Variants in RAB9A observed in about 807,000 individuals in gnomAD.
RAB9A encodes RAB9A, member RAS oncogene family.
In RAB9A, 1 loss-of-function variant was observed where a neutral mutation model predicts 10.3. That is an observed-to-expected ratio of 0.10 (90% CI 0.03 to 0.46). RAB9A has a LOEUF of 0.46. RAB9A is among the 20% of genes least tolerant of loss of function. RAB9A has a pLI of 0.96. For synonymous variants in RAB9A, 39 were observed against 55.2 expected (o/e 0.71, Z 1.30); for missense variants, 92 against 150.3 (o/e 0.61, Z 2.03).
chrX:13,699,077 A>G (rs1161977057), intron 1 of RAB9A, among the ~76,000 whole-genome samples: 1 of 111,773 alleles, frequency 8.9e-6, no homozygotes, highest in Non-Finnish European at 1.9e-5. Flanking sequence ...TTGAGAAGGC[A>G]GTTTACAAAT....
chrX:13,689,291 G>A lies in RAB9A; in HGVS notation c.-116+3G>A, dbSNP rs1042803154. On this transcript the variant is annotated splice_donor_region_variant and intron_variant, in intron 1 of 2. Transcript: ENST00000464506. ...GTCGTCTTTCGTGTGGCCGCGAGGT[G>A]AGCGGGACTCGGGACTCCTTCGGGA... 1 of 113,055 alleles carries A rather than the reference G, an allele frequency of 8.8e-6. No individual in the cohort carries two copies. Among genetic ancestry groups the A allele is most frequent in the Non-Finnish European group, 1.9e-5 (1 of 53,333 alleles). The allele number at this position is 113,055 out of a possible 1,213,427, so 9.3% of individuals were successfully genotyped here. A position where few individuals can be genotyped will look rare whatever the true frequency, so the allele number is the denominator to read the frequency against.
rs759723649 is a variant in RAB9A at position 13,705,834 on chromosome X, TG to T, written c.-27+1939del. On this transcript the variant is annotated intron_variant, in intron 2 of 2. Transcript: ENST00000464506. ...CAGTTCTGAAGGCACAGCGGTTCAT[TG>T]GGGGGGTCACCAGCAAGGAGCAGCA... is the stretch of plus-strand genomic sequence containing the variant. Among the ~76,000 whole-genome samples, 5 of 110,952 alleles carry T rather than the reference TG, an allele frequency of 4.5e-5. No individual in the cohort carries two copies. The East Asian group carries it at 8.4e-4, about 19-fold the overall frequency.
rs142235449 is a variant in RAB9A, at chrX:13,696,647, A to C, written c.-115-7167A>C. 7.5e-4 allele frequency among the ~76,000 whole-genome samples: 84 copies of C among 112,093 alleles called. No individual in the cohort carries two copies. In the East Asian group the frequency reaches 0.018, roughly 24 times the overall value. ...GTATGTGCCGTAGGGCATTCAGATG[A>C]GGACTGAGAAAAAGCCATTGGATTG... On this transcript the variant is annotated intron_variant, in intron 1 of 2. Transcript: ENST00000464506.
intron 1 of RAB9A, among the ~76,000 whole-genome samples, chrX:13,689,528 C>G (rs1293517283): frequency 1.8e-5 from 2 of 111,812 alleles, no homozygotes; most frequent in East Asian, 5.7e-4. Flanking sequence ...CACACAAACA[C>G]TGGAGAAAGG....
chrX:13,708,806 G>A lies in RAB9A; in HGVS notation c.60G>A (p.Lys20=). ...VILLGDGGVG[K]SSLMNRYVTN... is the part of the protein sequence containing the mutation. ...TCCTTGGAGATGGTGGAGTTGGGAA[G>A]AGTTCACTTATGAACAGATATGTAA... The change falls in exon 3 of 3, where the codon AAG becomes AAA. Residue 20 remains lysine, a synonymous_variant. Coordinates refer to ENST00000464506, the MANE Select transcript of RAB9A (RefSeq NM_004251.5). 1 of 1,202,573 alleles carries A rather than the reference G, an allele frequency of 8.3e-7. No individual in the cohort carries two copies. Among genetic ancestry groups the A allele is most frequent in the African/African-American group, 1.7e-5 (1 of 57,603 alleles).
At chrX:13,690,651 C>G (rs777598758) in intron 1 of RAB9A, among the ~76,000 whole-genome samples, 36 of 111,945 alleles carry the variant, frequency 3.2e-4, no homozygotes, top group Non-Finnish European at 6.4e-4. Flanking sequence ...CTACAGTACT[C>G]TGGAGGCCTA....
Position 13,709,481 on chromosome X carries a change from C to A in RAB9A, c.*129C>A. On this transcript the variant is annotated 3_prime_UTR_variant, in exon 3 of 3. Transcript: ENST00000464506. The stretch of plus-strand genomic sequence containing the variant: ...TAAAATTAAACTAATGTTGCTGCTT[C>A]ATTAGTTGGTGGGAGAAGGGACACA... The A allele has an allele frequency of 1.3e-6, 1 of 770,971 alleles. No homozygotes were observed. The highest frequency in any genetic ancestry group is 1.8e-6 in the Non-Finnish European group (1 of 543,136). The allele number at this position is 770,971 out of a possible 1,213,427, so 63.5% of individuals were successfully genotyped here. A position where few individuals can be genotyped will look rare whatever the true frequency, so the allele number is the denominator to read the frequency against.
rs759623705 is a variant in RAB9A, at chrX:13,704,531, AGATAAT to A, written c.-27+633_-27+638del. Among the ~76,000 whole-genome samples, 517 of 111,550 alleles carry A rather than the reference AGATAAT, an allele frequency of 4.6e-3. 3 individuals carry two copies. Among genetic ancestry groups the A allele is most frequent in the African/African-American group, 0.016 (498 of 30,765 alleles). ...GGTGAGCTTTCTAACTTTTTTATGTAGATAATGATGCTTGAATTGAACAATTAAATT... is the reference window on the plus strand; with the variant it reads ...GGTGAGCTTTCTAACTTTTTTATGTAGATGCTTGAATTGAACAATTAAATT... On this transcript the variant is annotated intron_variant, in intron 2 of 2. Transcript: ENST00000464506.
rs758992558 is a variant in RAB9A, at chrX:13,704,622, T to C, written c.-27+720T>C. 4.5e-3 allele frequency among the ~76,000 whole-genome samples: 485 copies of C among 108,084 alleles called. 3 individuals are homozygous for C. The highest frequency in any genetic ancestry group is 0.011 in the African/African-American group (332 of 29,789). 93.9% of individuals were successfully genotyped at this position (108,084 alleles called of 115,157 possible). A position where few individuals can be genotyped will look rare whatever the true frequency, so the allele number is the denominator to read the frequency against. ...CTTATATAGATTTCTTTCTTTCTTT[T>C]TTTTTTTTTTTAGATAGAGTCTAGC... On this transcript the variant is annotated intron_variant, in intron 2 of 2. Coordinates refer to ENST00000464506, the MANE Select transcript of RAB9A (RefSeq NM_004251.5).
chrX:13,698,951 T>C (rs1344237008), intron 1 of RAB9A, among the ~76,000 whole-genome samples: 1 of 90,399 alleles, frequency 1.1e-5, no homozygotes, highest in Non-Finnish European at 2.2e-5. Context: ...CCAAAGGAAC[T>C]TGTGAATTTG....
chrX:13,706,292 GAA>G (rs1388015886), intron 2 of RAB9A, among the ~76,000 whole-genome samples: 1 of 112,006 alleles, frequency 8.9e-6, no homozygotes, highest in East Asian at 2.8e-4. Flanking sequence ...ATTTGAAATT[GAA>G]AAAGTCTCTC....
chrX:13,708,139 T>C (rs1261936343), intron 2 of RAB9A, among the ~76,000 whole-genome samples: 1 of 110,700 alleles, frequency 9.0e-6, no homozygotes, highest in Non-Finnish European at 1.9e-5. Context: ...CTGGGCAACG[T>C]GGTTGAGACC....
rs1263938112 is a variant in RAB9A at position 13,708,774 on chromosome X, G to A, written c.28G>A (p.Val10Ile). The change falls in exon 3 of 3, where the codon GTA becomes ATA. Residue 10 changes from valine to isoleucine, a missense_variant. Coordinates refer to ENST00000464506, the MANE Select transcript of RAB9A (RefSeq NM_004251.5). The part of the protein sequence containing the change: MAGKSSLFK[V>I]ILLGDGGVGK... ...GGCAGGAAAATCATCACTTTTTAAA[G>A]TAATTCTCCTTGGAGATGGTGGAGT... is the stretch of plus-strand genomic sequence containing the variant. The A allele has an allele frequency of 8.4e-7, 1 of 1,194,566 alleles. No homozygotes were observed. The highest frequency in any genetic ancestry group is 1.1e-6 in the Non-Finnish European group (1 of 886,840).
chrX:13,708,325 A>AAAC, intron 2 of RAB9A, among the ~76,000 whole-genome samples: 1 of 108,895 alleles, frequency 9.2e-6, no homozygotes. Context: ...TGTCTCAAAA[A>AAAC]AAAAAACAAA....
intron 1 of RAB9A, among the ~76,000 whole-genome samples, chrX:13,689,573 C>T (rs192872433): frequency 1.8e-5 from 2 of 112,115 alleles, no homozygotes; most frequent in African/African-American, 6.5e-5. Flanking sequence ...TGCACATACA[C>T]ACGGAGAAAT....
chrX:13,690,099 A>G (rs756457474), intron 1 of RAB9A, among the ~76,000 whole-genome samples: 4 of 110,814 alleles, frequency 3.6e-5, no homozygotes, highest in Admixed American at 1.9e-4. Context: ...GATAAAAATC[A>G]ATGGGCAGAA....
chrX:13,703,351 T>G (rs1215509046), intron 1 of RAB9A, among the ~76,000 whole-genome samples: 5 of 112,421 alleles, frequency 4.4e-5, no homozygotes, highest in Non-Finnish European at 9.4e-5. Context: ...TAATAGGTAC[T>G]AAGAAACTTG....
intron 2 of RAB9A, among the ~76,000 whole-genome samples, chrX:13,706,427 T>C (rs1185113466): frequency 9.0e-6 from 1 of 111,657 alleles, no homozygotes; most frequent in Non-Finnish European, 1.9e-5. Context: ...AGTCTTGCTT[T>C]GTCACCTAGG....
intron 1 of RAB9A, among the ~76,000 whole-genome samples, chrX:13,703,159 C>G (rs1005769238): frequency 1.1e-4 from 12 of 112,358 alleles, no homozygotes; most frequent in Admixed American, 1.9e-4. Context: ...TTCATTCTAC[C>G]TGCAGCAACA....
Sources: gnomAD v4.1 joint callset for allele counts (sites outside exome capture counted in the v4.1 genomes callset) on GRCh38, gnomAD v4.1.1 for gene constraint, MANE v1.5 for transcripts, NCBI Gene and HGNC (gene_info 2026-07-23, HGNC 2026-07-21) for gene names.